Variants in PARD3 observed in about 807,000 individuals in gnomAD.
PARD3 encodes partitioning defective 3 homolog.
A neutral mutation model predicts 155.4 loss-of-function variants in PARD3; 75 were observed. The observed-to-expected ratio is 0.48, with a 90% CI of 0.40 to 0.58. The LOEUF is 0.58. PARD3 is among the 20% of genes least tolerant of loss of function. The pLI is 0.00. For missense variants in PARD3, 1,642 were observed against 1,721.7 expected (o/e 0.95, Z 0.82); for synonymous variants, 576 against 610.5 (o/e 0.94, Z 0.83).
At chr10:34,536,495 A>C (rs2083242274) in intron 2 of PARD3, among the ~76,000 whole-genome samples, 1 of 152,236 alleles carries the variant, frequency 6.6e-6, no homozygotes, top group South Asian at 2.1e-4. Context: ...TCTTATCTTT[A>C]ATCTCTCAGT....
intron 1 of PARD3, among the ~76,000 whole-genome samples, chr10:34,722,074 C>T (rs1161833815): frequency 3.9e-5 from 6 of 152,132 alleles, no homozygotes; most frequent in African/African-American, 9.7e-5. Context: ...TGCCTGTAGT[C>T]CCAGCTACTC....
At chr10:34,542,513 C>T (rs2083715745) in intron 2 of PARD3, among the ~76,000 whole-genome samples, 1 of 152,102 alleles carries the variant, frequency 6.6e-6, no homozygotes. Flanking sequence ...CTGAGAAACC[C>T]CATTATAGGA....
At chr10:34,274,257 A>G (rs1955770099) in intron 21 of PARD3, among the ~76,000 whole-genome samples, 1 of 152,248 alleles carries the variant, frequency 6.6e-6, no homozygotes. Flanking sequence ...AAATTCTACT[A>G]GACAGTTTTT....
At chr10:34,491,910 A>G (rs539656734) in intron 3 of PARD3, among the ~76,000 whole-genome samples, 2 of 152,340 alleles carry the variant, frequency 1.3e-5, no homozygotes, top group African/African-American at 4.8e-5. Flanking sequence ...CTGGGGGGAA[A>G]AAAAATGAAA....
At chr10:34,340,486 T>C (rs1398989680) in intron 16 of PARD3, among the ~76,000 whole-genome samples, 1 of 152,210 alleles carries the variant, frequency 6.6e-6, no homozygotes, top group East Asian at 1.9e-4. Flanking sequence ...GCCATTATCA[T>C]ACAGGTTTGA....
At chr10:34,738,382 G>T (rs1005661230) in intron 1 of PARD3, among the ~76,000 whole-genome samples, 12 of 152,140 alleles carry the variant, frequency 7.9e-5, no homozygotes, top group Non-Finnish European at 1.5e-4. Flanking sequence ...TCACTATATT[G>T]CCCAGGCTGG....
chr10:34,470,873 T>C (rs1231831124), intron 3 of PARD3, among the ~76,000 whole-genome samples: 1 of 152,192 alleles, frequency 6.6e-6, no homozygotes, highest in Non-Finnish European at 1.5e-5. Flanking sequence ...AAGAGAGGAT[T>C]TGAAATGTTT....
chr10:34,386,561 G>T (rs4534519), intron 7 of PARD3, among the ~76,000 whole-genome samples: 1 of 152,042 alleles, frequency 6.6e-6, no homozygotes, highest in African/African-American at 2.4e-5. Flanking sequence ...AGTGGTTCAC[G>T]CCTGTAATCC....
intron 2 of PARD3, among the ~76,000 whole-genome samples, chr10:34,593,519 C>T (rs890185169): frequency 2.0e-5 from 3 of 152,168 alleles, no homozygotes; most frequent in Non-Finnish European, 4.4e-5. Context: ...GATGAGCTCA[C>T]GCACACACAG....
chr10:34,471,257 C>T (rs1012632807), intron 3 of PARD3, among the ~76,000 whole-genome samples: 7 of 152,270 alleles, frequency 4.6e-5, no homozygotes, highest in Non-Finnish European at 8.8e-5. Flanking sequence ...AGCTTGCTTG[C>T]AATTGCTATA....
At chr10:34,768,746 CT>C (rs1838453646) in intron 1 of PARD3, among the ~76,000 whole-genome samples, 1 of 152,236 alleles carries the variant, frequency 6.6e-6, no homozygotes. Flanking sequence ...CTTTTCTTCT[CT>C]GCACTCTGGA....
intron 2 of PARD3, among the ~76,000 whole-genome samples, chr10:34,652,255 G>A (rs1465583128): frequency 6.6e-6 from 1 of 152,178 alleles, no homozygotes; most frequent in Non-Finnish European, 1.5e-5. Flanking sequence ...GTGATTTTGG[G>A]ACAGGTTAAC....
chr10:34,163,129 C>A (rs375416390), intron 22 of PARD3, among the ~76,000 whole-genome samples: 1 of 152,134 alleles, frequency 6.6e-6, no homozygotes, highest in African/African-American at 2.4e-5. Flanking sequence ...AAGACAATGG[C>A]GTTTCAGTCC....
At chr10:34,642,688 G>GC (rs1176006804) in intron 2 of PARD3, among the ~76,000 whole-genome samples, 1 of 151,960 alleles carries the variant, frequency 6.6e-6, no homozygotes, top group African/African-American at 2.4e-5. Flanking sequence ...TACCTAGACG[G>GC]CCCCCTCCCC....
chr10:34,327,323 C>G (rs74131700), intron 19 of PARD3, among the ~76,000 whole-genome samples: 9,388 of 152,210 alleles, frequency 0.062, 950 homozygotes, highest in African/African-American at 0.21. Context: ...TTAAATGAGA[C>G]ACAAAAATGC....
At chr10:34,397,956 A>C (rs1843496741) in intron 7 of PARD3, among the ~76,000 whole-genome samples, 1 of 152,254 alleles carries the variant, frequency 6.6e-6, no homozygotes, top group African/African-American at 2.4e-5. Flanking sequence ...CACGAAATAA[A>C]GGCAAGGCCA....
chr10:34,147,788 C>A (rs536120665), intron 22 of PARD3, among the ~76,000 whole-genome samples: 2 of 151,994 alleles, frequency 1.3e-5, no homozygotes, highest in Middle Eastern at 6.8e-3. Flanking sequence ...CTAGTATTAC[C>A]CAGCCAAGGT....
chr10:34,443,055 GA>G (rs761289062), intron 5 of PARD3, among the ~76,000 whole-genome samples: 1 of 149,226 alleles, frequency 6.7e-6, no homozygotes, highest in Non-Finnish European at 1.5e-5. Context: ...CAGATCAGTG[GA>G]AAAAAAACAA....
intron 22 of PARD3, among the ~76,000 whole-genome samples, chr10:34,223,824 T>C (rs1002813678): frequency 1.3e-5 from 2 of 152,220 alleles, no homozygotes; most frequent in Non-Finnish European, 2.9e-5. Flanking sequence ...GTGTGAACAC[T>C]GCTTGTATTG....
Sources: allele counts gnomAD v4.1 joint callset (sites outside exome capture counted in the v4.1 genomes callset), GRCh38; gene constraint gnomAD v4.1.1; transcripts MANE v1.5; gene names NCBI Gene and HGNC (gene_info 2026-07-23, HGNC 2026-07-21).